EPB41L4A: variants seen among roughly 807,000 people sequenced by gnomAD.
The protein encoded by EPB41L4A is erythrocyte membrane protein band 4.1 like 4A, also known as band 4.1-like protein 4A.
A neutral mutation model predicts 108.6 loss-of-function variants in EPB41L4A; 100 were observed. That is an observed-to-expected ratio of 0.92 (90% CI 0.78 to 1.09). EPB41L4A has a LOEUF of 1.09. EPB41L4A is among the 50% of genes least tolerant of loss of function. The pLI, the probability that EPB41L4A is intolerant of heterozygous loss-of-function variation, is 0.00. For missense variants in EPB41L4A, 1,030 were observed against 842.7 expected (o/e 1.22, Z -2.75); for synonymous variants, 319 against 289.0 (o/e 1.10, Z -1.05).
chr5:112,407,479 C>T (rs1246935936), intron 1 of EPB41L4A, among the ~76,000 whole-genome samples: 1 of 152,152 alleles, frequency 6.6e-6, no homozygotes, highest in Non-Finnish European at 1.5e-5. Context: ...AGCAGTCTTC[C>T]AGCTGTCTAC....
intron 1 of EPB41L4A, among the ~76,000 whole-genome samples, chr5:112,309,009 T>C (rs1754876175): frequency 1.3e-5 from 2 of 152,198 alleles, no homozygotes; most frequent in Non-Finnish European, 2.9e-5. Flanking sequence ...GAGTTAGGCA[T>C]TCCCTAACCC....
At chr5:112,397,573 G>A (rs1761442421) in intron 1 of EPB41L4A, among the ~76,000 whole-genome samples, 1 of 151,910 alleles carries the variant, frequency 6.6e-6, no homozygotes, top group Admixed American at 6.6e-5. Context: ...TACAAAAAAT[G>A]AACATAACCC....
At chr5:112,336,516 T>C (rs1347217288) in intron 1 of EPB41L4A, among the ~76,000 whole-genome samples, 1 of 152,208 alleles carries the variant, frequency 6.6e-6, no homozygotes, top group Non-Finnish European at 1.5e-5. Context: ...CACATTATAC[T>C]GTGGTGGTCA....
intron 2 of EPB41L4A, among the ~76,000 whole-genome samples, chr5:112,286,006 T>C (rs1753254482): frequency 6.6e-6 from 1 of 152,136 alleles, no homozygotes; most frequent in African/African-American, 2.4e-5. Context: ...GCCAAGCTAC[T>C]TTCTAAAATA....
At chr5:112,322,945 G>A (rs1051881731) in intron 1 of EPB41L4A, among the ~76,000 whole-genome samples, 1 of 150,010 alleles carries the variant, frequency 6.7e-6, no homozygotes, top group South Asian at 2.1e-4. Flanking sequence ...GGTAAAGGGG[G>A]AAAGGTAATG....
At chr5:112,196,894 C>A (rs1470215382) in intron 15 of EPB41L4A, 2 of 152,286 alleles carry the variant, frequency 1.3e-5, no homozygotes, top group Non-Finnish European at 2.9e-5. Flanking sequence ...CCACAGTACT[C>A]CTGTTTCAGC....
At chr5:112,356,471 C>A (rs570848952) in intron 1 of EPB41L4A, among the ~76,000 whole-genome samples, 1 of 152,276 alleles carries the variant, frequency 6.6e-6, no homozygotes, top group South Asian at 2.1e-4. Flanking sequence ...AAATGAAGTA[C>A]CTTTTCTAGA....
chr5:112,201,890 A>G (rs1338594346), intron 15 of EPB41L4A, among the ~76,000 whole-genome samples: 5 of 152,184 alleles, frequency 3.3e-5, no homozygotes, highest in Non-Finnish European at 7.3e-5. Flanking sequence ...AGGACAAGCT[A>G]CCATCATCTC....
chr5:112,401,344 G>T (rs963626916), intron 1 of EPB41L4A, among the ~76,000 whole-genome samples: 1 of 152,144 alleles, frequency 6.6e-6, no homozygotes, highest in African/African-American at 2.4e-5. Flanking sequence ...TGCATTTAAC[G>T]TATTCACTAC....
chr5:112,168,754 A>C lies in EPB41L4A; in HGVS notation c.1917T>G (p.Asp639Glu), dbSNP rs757303695. 4.3e-6 allele frequency: 7 copies of C among 1,613,674 alleles called. No individual in the cohort carries two copies. In the East Asian group the frequency reaches 1.6e-4, roughly 36 times the overall value. ...TRSSDAQGSG[D>E]ATVHQRRNGS... ...TATTACTAACCTGATGAACTGTAGC[A>C]TCCCCAGAACCCTGAGCATCCGAAG... The change falls in exon 22 of 23, where the codon GAT (aspartate) becomes GAG (glutamate). Residue 639 changes from aspartate to glutamate, a missense_variant. Coordinates refer to ENST00000261486, the MANE Select transcript of EPB41L4A (RefSeq NM_022140.5).
At chr5:112,187,146 A>G (rs1011927171) in intron 17 of EPB41L4A, among the ~76,000 whole-genome samples, 1 of 151,516 alleles carries the variant, frequency 6.6e-6, no homozygotes, top group Non-Finnish European at 1.5e-5. Flanking sequence ...CATAGTCATC[A>G]AAGTCTCAAA....
At chr5:112,236,022 G>A (rs1749307849) in intron 11 of EPB41L4A, among the ~76,000 whole-genome samples, 1 of 152,034 alleles carries the variant, frequency 6.6e-6, no homozygotes, top group Non-Finnish European at 1.5e-5. Flanking sequence ...TGAAGATAAG[G>A]CCTACTTTCA....
At chr5:112,223,709 C>CT (rs1453930131) in intron 12 of EPB41L4A, among the ~76,000 whole-genome samples, 2 of 152,196 alleles carry the variant, frequency 1.3e-5, no homozygotes, top group Non-Finnish European at 2.9e-5. Flanking sequence ...AACGACTAGT[C>CT]TAAGGTTGTG....
chr5:112,232,148 G>C (rs1235980786), intron 12 of EPB41L4A, among the ~76,000 whole-genome samples: 1 of 150,890 alleles, frequency 6.6e-6, no homozygotes, highest in Non-Finnish European at 1.5e-5. Context: ...GAGAGAGAGA[G>C]AGATCCACCT....
chr5:112,223,532 C>T (rs1454180459), intron 12 of EPB41L4A, among the ~76,000 whole-genome samples: 6 of 152,090 alleles, frequency 3.9e-5, no homozygotes, highest in African/African-American at 1.2e-4. Flanking sequence ...AATCCCAAAC[C>T]GCTGACAGAC....
chr5:112,247,436 T>C (rs1750328140), intron 9 of EPB41L4A, among the ~76,000 whole-genome samples: 1 of 152,176 alleles, frequency 6.6e-6, no homozygotes, highest in Non-Finnish European at 1.5e-5. Flanking sequence ...GGACCCGCCA[T>C]TTCCCTGTGC....
chr5:112,350,866 C>T (rs1757997689), intron 1 of EPB41L4A, among the ~76,000 whole-genome samples: 1 of 152,208 alleles, frequency 6.6e-6, no homozygotes, highest in Non-Finnish European at 1.5e-5. Context: ...TCTATCCATT[C>T]ATCCATTAGT....
intron 2 of EPB41L4A, among the ~76,000 whole-genome samples, chr5:112,284,557 T>C (rs779003509): frequency 3.3e-5 from 5 of 152,184 alleles, no homozygotes; most frequent in Non-Finnish European, 5.9e-5. Context: ...CTATTTCAAA[T>C]GTATACTATG....
intron 12 of EPB41L4A, among the ~76,000 whole-genome samples, chr5:112,149,216 C>T (rs1470207589): frequency 6.6e-6 from 1 of 152,116 alleles, no homozygotes; most frequent in South Asian, 2.1e-4. Context: ...GTGGCTTATG[C>T]CTGTAATCCC....
Sources: allele counts gnomAD v4.1 joint callset (sites outside exome capture counted in the v4.1 genomes callset), GRCh38; gene constraint gnomAD v4.1.1; transcripts MANE v1.5; gene names NCBI Gene and HGNC (gene_info 2026-07-23, HGNC 2026-07-21).